The following PTAFR variants were observed in gnomAD, a reference collection of about 807,000 sequenced individuals.
PTAFR encodes the protein platelet activating factor receptor, also known as platelet-activating factor receptor.
PTAFR carries 8 observed loss-of-function variants against 14.7 expected under a neutral mutation model. That is an observed-to-expected ratio of 0.54 (90% CI 0.32 to 0.98). The LOEUF (loss-of-function observed/expected upper bound fraction) is 0.98. Ranked by LOEUF, PTAFR falls within the 50% of genes least tolerant of loss-of-function variation. PTAFR has a pLI of 0.04. For synonymous variants in PTAFR, 156 were observed against 176.5 expected (o/e 0.88, Z 0.92); for missense variants, 337 against 451.2 (o/e 0.75, Z 2.29).
chr1:28,192,133 A>C (rs1275549632), intron 1 of PTAFR, among the ~76,000 whole-genome samples: 3 of 152,086 alleles, frequency 2.0e-5, no homozygotes, highest in Non-Finnish European at 2.9e-5. Flanking sequence ...AGACTCACCT[A>C]AGTTTAAATT....
intron 1 of PTAFR, among the ~76,000 whole-genome samples, chr1:28,152,103 C>T (rs943169348): frequency 2.0e-5 from 3 of 151,888 alleles, no homozygotes; most frequent in Non-Finnish European, 4.4e-5. Context: ...TGCTATGTTG[C>T]CCATGCTGTT....
chr1:28,189,076 T>G (rs904973025), intron 1 of PTAFR, among the ~76,000 whole-genome samples: 1 of 152,260 alleles, frequency 6.6e-6, no homozygotes. Flanking sequence ...ACAGTGCAAC[T>G]GCCACTACTA....
At chr1:28,154,831 A>AAGGGG (rs1553164371) in intron 1 of PTAFR, among the ~76,000 whole-genome samples, 1 of 53,566 alleles carries the variant, frequency 1.9e-5, no homozygotes, top group African/African-American at 7.6e-5. Context: ...AAAAAAAAAA[A>AAGGGG]GTGGGGGGGG....
At chr1:28,172,401 G>A (rs984878688) in intron 1 of PTAFR, among the ~76,000 whole-genome samples, 1 of 152,148 alleles carries the variant, frequency 6.6e-6, no homozygotes, top group African/African-American at 2.4e-5. Flanking sequence ...GGCCAGTCCA[G>A]GACCCCGTCC....
At chr1:28,154,727 G>A (rs949802562) in intron 1 of PTAFR, among the ~76,000 whole-genome samples, 4 of 146,746 alleles carry the variant, frequency 2.7e-5, no homozygotes, top group Non-Finnish European at 5.9e-5. Flanking sequence ...CAGGAGAATC[G>A]CTTGAACTTG....
Position 28,149,683 on chromosome 1 carries a change from T to C in PTAFR, c.*310A>G. 1 of 327,596 alleles carries C rather than the reference T, an allele frequency of 3.1e-6. No homozygotes were observed. The highest frequency in any genetic ancestry group is 6.2e-5 in the East Asian group (1 of 16,200). The allele number at this position is 327,596 out of a possible 1,614,324, so 20.3% of individuals were successfully genotyped here. On this transcript the variant is annotated 3_prime_UTR_variant, in exon 2 of 2. Coordinates refer to ENST00000373857, the MANE Select transcript of PTAFR (RefSeq NM_000952.5). ...TCGGGGAGAACTAGGTGGTTTAAAGTCTTCCCCCAAGGTCTGCACCTGGCC... is the reference window on the plus strand; with the variant it reads ...TCGGGGAGAACTAGGTGGTTTAAAGCCTTCCCCCAAGGTCTGCACCTGGCC...
At chr1:28,171,456 T>G (rs184478064) in intron 1 of PTAFR, among the ~76,000 whole-genome samples, 1 of 152,288 alleles carries the variant, frequency 6.6e-6, no homozygotes, top group East Asian at 1.9e-4. Context: ...TGCTTGATAT[T>G]TGTGCCCTGA....
intron 1 of PTAFR, among the ~76,000 whole-genome samples, chr1:28,154,831 A>AAGGG (rs1553164371): frequency 5.6e-5 from 3 of 53,576 alleles, no homozygotes; most frequent in South Asian, 6.4e-4. Flanking sequence ...AAAAAAAAAA[A>AAGGG]GTGGGGGGGG....
At chr1:28,192,959 G>A (rs1197175404) in intron 1 of PTAFR, among the ~76,000 whole-genome samples, 1 of 152,182 alleles carries the variant, frequency 6.6e-6, no homozygotes, top group Non-Finnish European at 1.5e-5. Context: ...ACAGCTGGGA[G>A]TGCTAGCTTC....
chr1:28,151,182 T>A (rs1646182603), intron 1 of PTAFR, 123 bp from the exon 2 acceptor site: 1 of 606,852 alleles, frequency 1.6e-6, no homozygotes, highest in Non-Finnish European at 2.8e-6. Flanking sequence ...TCATGTTGAA[T>A]CTTTTTTTTT....
Position 28,150,853 on chromosome 1 carries a change from C to T in PTAFR, c.169G>A (p.Val57Met). The change falls in exon 2 of 2, where the codon GTG becomes ATG. Residue 57 changes from valine to methionine, a missense_variant. Physicochemically the swap from Val to Met is conservative, Grantham distance 21 (BLOSUM62 1). Transcript: ENST00000373857. This position sits in a 1 kb window ranked among gnomAD's most constrained non-coding sequence, Gnocchi z 6.3. ...KKFNEIKIFMVNLTMADMLFL... is the reference protein window; with the variant it reads ...KKFNEIKIFMMNLTMADMLFL... ...AGCATGTCCGCCATGGTGAGGTTCACCATGAAGATCTTTATCTCATTGAAT... is the reference window on the plus strand; with the variant it reads ...AGCATGTCCGCCATGGTGAGGTTCATCATGAAGATCTTTATCTCATTGAAT... 6.2e-7 allele frequency: 1 copy of T among 1,614,112 alleles called. No homozygotes were observed. Among genetic ancestry groups the T allele is most frequent in the Non-Finnish European group, 8.5e-7 (1 of 1,180,020 alleles).
chr1:28,179,632 A>G (rs1195789530), upstream of PTAFR, among the ~76,000 whole-genome samples: 1 of 152,004 alleles, frequency 6.6e-6, no homozygotes, highest in African/African-American at 2.4e-5. Flanking sequence ...CCTGGCCAAT[A>G]CGGTGAAACC....
At chr1:28,158,581 C>T (rs1339237465) in intron 1 of PTAFR, among the ~76,000 whole-genome samples, 3 of 152,118 alleles carry the variant, frequency 2.0e-5, no homozygotes, top group Admixed American at 6.6e-5. Flanking sequence ...ATCTGTAATT[C>T]CAGCTACTTG....
intron 1 of PTAFR, among the ~76,000 whole-genome samples, chr1:28,160,232 G>T (rs1030694946): frequency 3.2e-5 from 4 of 125,376 alleles, no homozygotes; most frequent in Non-Finnish European, 5.2e-5. Flanking sequence ...ACACAAAAAA[G>T]AATTAAAAAA....
At chr1:28,188,413 G>A (rs896271604) in intron 1 of PTAFR, among the ~76,000 whole-genome samples, 5 of 151,738 alleles carry the variant, frequency 3.3e-5, no homozygotes, top group Admixed American at 1.3e-4. Flanking sequence ...GCCACTGCAC[G>A]CCAGCCTGGG....
chr1:28,184,178 C>T (rs541746134), intron 1 of PTAFR, among the ~76,000 whole-genome samples: 6 of 150,652 alleles, frequency 4.0e-5, no homozygotes, highest in Admixed American at 6.6e-5. Flanking sequence ...CTCCAACCTC[C>T]GCCTCCCAGG....
At chr1:28,187,152 C>G (rs1246428182) in intron 1 of PTAFR, among the ~76,000 whole-genome samples, 2 of 152,108 alleles carry the variant, frequency 1.3e-5, no homozygotes, top group Non-Finnish European at 2.9e-5. Context: ...TGGTATTCTT[C>G]CACCCACACT....
intron 1 of PTAFR, among the ~76,000 whole-genome samples, chr1:28,190,860 G>A (rs374521188): frequency 1.2e-4 from 18 of 152,172 alleles, no homozygotes; most frequent in South Asian, 4.1e-4. Context: ...CTCAAACTTA[G>A]GGAGTTTCAA....
intron 1 of PTAFR, among the ~76,000 whole-genome samples, chr1:28,153,204 G>A (rs926594618): frequency 1.3e-5 from 2 of 152,188 alleles, no homozygotes; most frequent in Admixed American, 1.3e-4. Flanking sequence ...AGGGTACTGA[G>A]GCAGAAGGAT....
Sources: allele counts gnomAD v4.1 joint callset (sites outside exome capture counted in the v4.1 genomes callset), GRCh38; gene constraint gnomAD v4.1.1; non-coding constraint Gnocchi (gnomAD v3.1); transcripts MANE v1.5; gene names NCBI Gene and HGNC (gene_info 2026-07-23, HGNC 2026-07-21).